Variants in LDAH observed in about 807,000 individuals in gnomAD.
LDAH encodes lipid droplet-associated hydrolase.
LDAH carries 26 observed loss-of-function variants against 29.6 expected under a neutral mutation model. The observed-to-expected ratio is 0.88, with a 90% CI of 0.64 to 1.22. The LOEUF (loss-of-function observed/expected upper bound fraction) is 1.22, where lower values mean the gene tolerates loss of function less well. LDAH is among the 50% of genes most tolerant of loss of function. The probability of loss-of-function intolerance (pLI) is 0.00; values close to 1 mark genes in which losing one functional copy is unlikely to be tolerated. For missense variants in LDAH, 344 were observed against 387.3 expected (o/e 0.89, Z 0.94); for synonymous variants, 117 against 133.0 (o/e 0.88, Z 0.83).
intron 1 of LDAH, among the ~76,000 whole-genome samples, chr2:20,802,440 C>T (rs951277038): frequency 6.6e-6 from 1 of 152,202 alleles, no homozygotes; most frequent in Admixed American, 6.5e-5. Flanking sequence ...GATATACTAT[C>T]ATGAACCATT....
intron 4 of LDAH, among the ~76,000 whole-genome samples, chr2:20,758,469 A>G (rs995035389): frequency 6.6e-6 from 1 of 152,226 alleles, no homozygotes; most frequent in Admixed American, 6.5e-5. Context: ...GTAGAATGTT[A>G]AGTCAGAAGA....
chr2:20,809,960 A>C (rs1672360554), intron 1 of LDAH, among the ~76,000 whole-genome samples: 1 of 152,268 alleles, frequency 6.6e-6, no homozygotes, highest in Non-Finnish European at 1.5e-5. Context: ...ACCATACTTA[A>C]GAAAATAAAG....
Position 20,685,547 on chromosome 2 carries a change from C to T in LDAH, c.*1356G>A, listed in dbSNP as rs1276148123. 5.2e-6 allele frequency: 8 copies of T among 1,550,224 alleles called. No homozygotes were observed. Among genetic ancestry groups the T allele is most frequent in the South Asian group, 1.2e-5 (1 of 84,006 alleles). On this transcript the variant is annotated 3_prime_UTR_variant, in exon 7 of 7. Transcript: ENST00000237822. ...GCACAGTAACTCATTCAGCACTTACCAATAAGTTGGCAGCAAATCAGAGCC... is the reference window on the plus strand; with the variant it reads ...GCACAGTAACTCATTCAGCACTTACTAATAAGTTGGCAGCAAATCAGAGCC...
At chr2:20,821,084 T>C (rs1437570607) in intron 1 of LDAH, among the ~76,000 whole-genome samples, 2 of 152,162 alleles carry the variant, frequency 1.3e-5, no homozygotes. Flanking sequence ...TCACAGCAGT[T>C]AGAATGGTGA....
intron 3 of LDAH, among the ~76,000 whole-genome samples, chr2:20,779,713 T>C (rs1264324254): frequency 6.6e-6 from 1 of 152,164 alleles, no homozygotes; most frequent in Non-Finnish European, 1.5e-5. Flanking sequence ...AATATGGCAA[T>C]GTTAACTGTC....
At chr2:20,727,959 A>T (rs1307573666) in intron 5 of LDAH, among the ~76,000 whole-genome samples, 2 of 152,240 alleles carry the variant, frequency 1.3e-5, no homozygotes, top group Non-Finnish European at 2.9e-5. Flanking sequence ...ACTAGAGAAG[A>T]ACGCTAATGC....
intron 1 of LDAH, among the ~76,000 whole-genome samples, chr2:20,822,807 C>T (rs138944187): frequency 3.3e-5 from 5 of 152,324 alleles, no homozygotes; most frequent in African/African-American, 1.2e-4. Context: ...TGCATTACCG[C>T]GCTCGGGTGA....
At chr2:20,805,026 T>C (rs1398502194) in intron 1 of LDAH, among the ~76,000 whole-genome samples, 1 of 152,192 alleles carries the variant, frequency 6.6e-6, no homozygotes, top group Admixed American at 6.5e-5. Context: ...CTATATTAAA[T>C]TAGAGCACTG....
At chr2:20,708,231 G>C (rs535896694) in intron 5 of LDAH, among the ~76,000 whole-genome samples, 1 of 152,076 alleles carries the variant, frequency 6.6e-6, no homozygotes, top group Non-Finnish European at 1.5e-5. Flanking sequence ...CCACAAAACC[G>C]GTCCCTGGTT....
chr2:20,754,067 TA>T (rs2124917562), intron 4 of LDAH, among the ~76,000 whole-genome samples: 1 of 152,252 alleles, frequency 6.6e-6, no homozygotes, highest in East Asian at 1.9e-4. Context: ...AAAATCTTGG[TA>T]AAGATTGGAT....
chr2:20,762,012 A>C (rs1668724185), intron 4 of LDAH, among the ~76,000 whole-genome samples: 1 of 151,996 alleles, frequency 6.6e-6, no homozygotes, highest in Non-Finnish European at 1.5e-5. Flanking sequence ...TTTTATAATT[A>C]TCAAGCTTTT....
At chr2:20,819,476 A>G (rs910376178) in intron 1 of LDAH, among the ~76,000 whole-genome samples, 3 of 152,234 alleles carry the variant, frequency 2.0e-5, no homozygotes, top group Non-Finnish European at 2.9e-5. Flanking sequence ...TCGCAAATCA[A>G]TAAACGTAAT....
intron 6 of LDAH, among the ~76,000 whole-genome samples, chr2:20,692,285 C>T (rs1480806533): frequency 6.6e-6 from 1 of 152,148 alleles, no homozygotes; most frequent in African/African-American, 2.4e-5. Flanking sequence ...GCAGGAAAAC[C>T]CAAATTCTGC....
chr2:20,764,866 C>T (rs1455126345), intron 4 of LDAH, among the ~76,000 whole-genome samples: 4 of 152,186 alleles, frequency 2.6e-5, no homozygotes, highest in African/African-American at 9.7e-5. Flanking sequence ...GGCTCCTTGG[C>T]ACTTCGGTCT....
chr2:20,695,621 T>C (rs549870261), intron 6 of LDAH, among the ~76,000 whole-genome samples: 1 of 152,114 alleles, frequency 6.6e-6, no homozygotes, highest in African/African-American at 2.4e-5. Context: ...GGCTAATATT[T>C]GTATTTTTAG....
chr2:20,704,459 T>C (rs1664168578), intron 5 of LDAH, among the ~76,000 whole-genome samples: 1 of 152,254 alleles, frequency 6.6e-6, no homozygotes. Flanking sequence ...GTCTATTCAC[T>C]AAATTAATTA....
intron 4 of LDAH, among the ~76,000 whole-genome samples, chr2:20,771,478 C>G (rs893361808): frequency 6.6e-6 from 1 of 152,190 alleles, no homozygotes; most frequent in Non-Finnish European, 1.5e-5. Flanking sequence ...CTGGCTTACA[C>G]AAACATATTT....
At chr2:20,691,114 T>C (rs891514181) in intron 6 of LDAH, among the ~76,000 whole-genome samples, 3 of 152,158 alleles carry the variant, frequency 2.0e-5, no homozygotes, top group African/African-American at 7.2e-5. Context: ...GGTCTTAAAC[T>C]GGATATGAAA....
intron 5 of LDAH, among the ~76,000 whole-genome samples, chr2:20,718,278 C>G (rs935572701): frequency 4.6e-5 from 7 of 152,004 alleles, no homozygotes; most frequent in Non-Finnish European, 8.8e-5. Context: ...ACTTATCTCA[C>G]CTATAAAGAT....
Sources: allele counts gnomAD v4.1 joint callset (sites outside exome capture counted in the v4.1 genomes callset), GRCh38; gene constraint gnomAD v4.1.1; transcripts MANE v1.5; gene names NCBI Gene and HGNC (gene_info 2026-07-23, HGNC 2026-07-21).